Variants in RPL7L1 observed in about 807,000 individuals in gnomAD.
RPL7L1 encodes ribosomal protein L7 like 1, also known as ribosomal protein uL30-like.
A neutral mutation model predicts 30.3 loss-of-function variants in RPL7L1; 20 were observed. That is an observed-to-expected ratio of 0.66 (90% CI 0.46 to 0.96). The LOEUF (loss-of-function observed/expected upper bound fraction) is 0.96. Ranked by LOEUF, RPL7L1 falls within the 40% of genes least tolerant of loss-of-function variation. The pLI is 0.00. For synonymous variants in RPL7L1, 107 were observed against 110.1 expected (o/e 0.97, Z 0.18); for missense variants, 271 against 314.9 (o/e 0.86, Z 1.05).
intron 3 of RPL7L1, among the ~76,000 whole-genome samples, chr6:42,884,201 C>G (rs1299448036): frequency 6.6e-6 from 1 of 152,180 alleles, no homozygotes; most frequent in Non-Finnish European, 1.5e-5. Flanking sequence ...TATTAACCTT[C>G]CTCCTGGATT....
chr6:42,880,439 G>C (rs1333279459), intron 1 of RPL7L1: 1 of 221,374 alleles, frequency 4.5e-6, no homozygotes, highest in Non-Finnish European at 9.2e-6. Context: ...TCAGATACTT[G>C]AAAACAGTAA....
In RPL7L1 at chr6:42,879,836, C is replaced by A; in HGVS notation, c.-75C>A. The A allele has an allele frequency of 6.6e-7, 1 of 1,505,922 alleles. No individual in the cohort carries two copies. The highest frequency in any genetic ancestry group is 9.2e-7 in the Non-Finnish European group (1 of 1,083,984). The allele number at this position is 1,505,922 out of a possible 1,614,324, so 93.3% of individuals were successfully genotyped here. On this transcript the variant is annotated 5_prime_UTR_variant, in exon 1 of 6. Coordinates refer to ENST00000493763, the MANE Select transcript of RPL7L1 (RefSeq NM_001366481.3). The stretch of plus-strand genomic sequence containing the variant: ...AAGTGAACGCTGACTGGTCCTCCAG[C>A]GTGAGCTAGAACAGACGTCTCTATG...
In RPL7L1 at chr6:42,884,582, T is replaced by C. The variant is rs532748987; in HGVS notation, c.312-31T>C. ...CTGGACTGACATAAACTGGAGGGAG[T>C]CTGTCTGACTTCTGTTGCTGTTCAT... On this transcript the variant is annotated intron_variant, in intron 3 of 5. Coordinates refer to ENST00000493763, the MANE Select transcript of RPL7L1 (RefSeq NM_001366481.3). 23 of 1,604,422 alleles carry C rather than the reference T, an allele frequency of 1.4e-5. No individual in the cohort carries two copies. In the East Asian group the frequency reaches 4.7e-4, roughly 33 times the overall value.
chr6:42,882,225 A>T (rs1166011163), intron 2 of RPL7L1: 1 of 151,694 alleles, frequency 6.6e-6, no homozygotes, highest in East Asian at 1.9e-4. Flanking sequence ...TACAGTGTAC[A>T]TAATGTATTT....
chr6:42,886,156 T>A, intron 5 of RPL7L1, 73 bp downstream of exon 5: 1 of 1,376,474 alleles, frequency 7.3e-7, no homozygotes, highest in South Asian at 1.2e-5. Context: ...GAGATTCAGG[T>A]TGTATTCTTC....
rs367718390 is a variant in RPL7L1, at chr6:42,886,995, A to AAG, written c.*532_*533insGA. ...GCGACAGAGCGAGACTCCATCTCGG[A>AAG]AAAAAAAAAAAAAAAACTATTGCTG... On this transcript the variant is annotated 3_prime_UTR_variant, in exon 6 of 6. Transcript: ENST00000493763. 3.1e-5 allele frequency: 2 copies of AAG among 63,804 alleles called. No homozygotes were observed. The highest frequency in any genetic ancestry group is 6.4e-5 in the Non-Finnish European group (2 of 31,200). The allele number at this position is 63,804 out of a possible 1,614,324, so 4.0% of individuals were successfully genotyped here. A position where few individuals can be genotyped will look rare whatever the true frequency, so the allele number is the denominator to read the frequency against.
rs1319029580 is a variant in RPL7L1, at chr6:42,886,370, A to G, written c.674A>G (p.His225Arg). ...LCPFHLSVAR[H>R]ATKNRVGFLK... ...CCTTTCCACCTCTCAGTGGCCCGTCATGCTACCAAAAATAGAGTGGGCTTC... is the reference window on the plus strand; with the variant it reads ...CCTTTCCACCTCTCAGTGGCCCGTCGTGCTACCAAAAATAGAGTGGGCTTC... Residue 225 changes from histidine to arginine, a missense_variant, in exon 6 of 6, where the codon CAT becomes CGT. Physicochemically the swap from His to Arg is conservative, Grantham distance 29. Coordinates refer to ENST00000493763, the MANE Select transcript of RPL7L1 (RefSeq NM_001366481.3). 2 of 1,601,024 alleles carry G rather than the reference A, an allele frequency of 1.2e-6. No homozygotes were observed. The highest frequency in any genetic ancestry group is 1.7e-6 in the Non-Finnish European group (2 of 1,179,658).
rs1359290974 is a variant in RPL7L1 at position 42,879,886 on chromosome 6, T to C, written c.-25T>C. The C allele has an allele frequency of 6.2e-7, 1 of 1,612,646 alleles. No individual in the cohort carries two copies. Among genetic ancestry groups the C allele is most frequent in the African/African-American group, 1.3e-5 (1 of 74,902 alleles). On this transcript the variant is annotated 5_prime_UTR_variant, in exon 1 of 6. Coordinates refer to ENST00000493763, the MANE Select transcript of RPL7L1 (RefSeq NM_001366481.3). ...GGTCAAGTAAACAGAGCGTGTGCTG[T>C]CTTCCCCATGTGGTGGGGTTGCGCA... is the stretch of plus-strand genomic sequence containing the variant.
chr6:42,884,263 AT>A (rs1246084600), intron 3 of RPL7L1, among the ~76,000 whole-genome samples: 1 of 152,104 alleles, frequency 6.6e-6, no homozygotes, highest in East Asian at 1.9e-4. Context: ...GCCCTTGGTG[AT>A]TGTCAGAAAG....
chr6:42,884,619 C>T lies in RPL7L1; in HGVS notation c.318C>T (p.Asp106=), dbSNP rs16896142. ...LAFVVRIERI[D]GVSLLVQRTI... The stretch of plus-strand genomic sequence containing the variant: ...CTGTTGCTGTTCATTTCAGGATTGA[C>T]GGCGTGAGTTTACTGGTGCAGAGAA... The change falls in exon 4 of 6, where the codon GAC becomes GAT. Residue 106 remains aspartate, a synonymous_variant. Coordinates refer to ENST00000493763, the MANE Select transcript of RPL7L1 (RefSeq NM_001366481.3). The T allele has an allele frequency of 0.027, 43,175 of 1,611,624 alleles. 683 individuals are homozygous for T. The highest frequency in any genetic ancestry group is 0.028 in the Middle Eastern group (140 of 4,984).
rs1439463361 is a variant in RPL7L1 at position 42,888,213 on chromosome 6, G to A, written c.*1749G>A. 6.6e-5 allele frequency: 10 copies of A among 152,250 alleles called. No individual in the cohort carries two copies. The highest frequency in any genetic ancestry group is 1.3e-4 in the Non-Finnish European group (9 of 68,114). 9.4% of individuals were successfully genotyped at this position (152,250 alleles called of 1,614,324 possible). A position where few individuals can be genotyped will look rare whatever the true frequency, so the allele number is the denominator to read the frequency against. ...CCTGTTGCCCAGGCTGGAGCGCAGT[G>A]GCATGATCTCAGCTCATTGCAGCCT... On this transcript the variant is annotated 3_prime_UTR_variant, in exon 6 of 6. Coordinates refer to ENST00000493763, the MANE Select transcript of RPL7L1 (RefSeq NM_001366481.3).
Position 42,879,807 on chromosome 6 carries a change from G to A in RPL7L1, c.-104G>A. On this transcript the variant is annotated 5_prime_UTR_variant, in exon 1 of 6. Coordinates refer to ENST00000493763, the MANE Select transcript of RPL7L1 (RefSeq NM_001366481.3). ...TAGCGGGACCTCAAGGGCTCACTGC[G>A]GCTAAGTGAACGCTGACTGGTCCTC... is the stretch of plus-strand genomic sequence containing the variant. 2 of 1,241,754 alleles carry A rather than the reference G, an allele frequency of 1.6e-6. No homozygotes were observed. Among genetic ancestry groups the A allele is most frequent in the Admixed American group, 1.7e-5 (1 of 58,866 alleles). The allele number at this position is 1,241,754 out of a possible 1,614,324, so 76.9% of individuals were successfully genotyped here.
At chr6:42,879,975 T>C (rs544210344) in intron 1 of RPL7L1, 24 bp downstream of exon 1, 1 of 1,612,824 alleles carries the variant, frequency 6.2e-7, no homozygotes, top group Admixed American at 1.7e-5. Flanking sequence ...GCTTTGAATA[T>C]CTGGAGTGGG....
rs940489994 is a variant in RPL7L1, at chr6:42,889,527, G to A, written c.*3063G>A. The A allele has an allele frequency of 6.6e-6, 1 of 151,782 alleles. No individual in the cohort carries two copies. The highest frequency in any genetic ancestry group is 2.4e-5 in the African/African-American group (1 of 41,114). 9.4% of individuals were successfully genotyped at this position (151,782 alleles called of 1,614,324 possible). ...TAACCTGCCAAGAAGAGATGCTATA[G>A]ATGTTACTCCTATACTGTAAAACAT... On this transcript the variant is annotated 3_prime_UTR_variant, in exon 6 of 6. Coordinates refer to ENST00000493763, the MANE Select transcript of RPL7L1 (RefSeq NM_001366481.3).
chr6:42,879,838 T>G lies in RPL7L1; in HGVS notation c.-73T>G. On this transcript the variant is annotated 5_prime_UTR_variant, in exon 1 of 6. Transcript: ENST00000493763. ...GTGAACGCTGACTGGTCCTCCAGCG[T>G]GAGCTAGAACAGACGTCTCTATGGT... 1.1e-4 allele frequency: 160 copies of G among 1,515,234 alleles called. No homozygotes were observed. The highest frequency in any genetic ancestry group is 1.3e-4 in the Non-Finnish European group (145 of 1,092,348). The allele number at this position is 1,515,234 out of a possible 1,614,324, so 93.9% of individuals were successfully genotyped here.
chr6:42,883,083 A>G (rs1342000805), intron 2 of RPL7L1: 2 of 165,100 alleles, frequency 1.2e-5, no homozygotes, highest in South Asian at 1.5e-4. Context: ...AGTATTTTCC[A>G]TCTGGGGTTG....
Position 42,886,029 on chromosome 6 carries a change from G to T in RPL7L1, c.505G>T (p.Val169Phe). ...ELILKRGQAKVKNKTIPLTDN... is the reference protein window; with the variant it reads ...ELILKRGQAKFKNKTIPLTDN... ...CATTTTGAAACGTGGACAAGCCAAGGTCAAGAATAAGACCATCCCTCTGAC... is the reference window on the plus strand; with the variant it reads ...CATTTTGAAACGTGGACAAGCCAAGTTCAAGAATAAGACCATCCCTCTGAC... The change falls in exon 5 of 6, where the codon GTC becomes TTC. Residue 169 changes from valine to phenylalanine, a missense_variant. By Grantham distance (50) the Val-to-Phe change is conservative. Transcript: ENST00000493763. 1 of 1,610,734 alleles carries T rather than the reference G, an allele frequency of 6.2e-7. No individual in the cohort carries two copies. Among genetic ancestry groups the T allele is most frequent in the African/African-American group, 1.3e-5 (1 of 74,974 alleles).
At position 42,885,991 on chromosome 6, in the gene RPL7L1, C is replaced by G. The variant is rs755042877; in HGVS notation, c.467C>G (p.Ser156Cys). ...CTACATAGATTTCCAAATCTGAAGTCTGTCCGAGAACTCATTTTGAAACGT... is the reference window on the plus strand; with the variant it reads ...CTACATAGATTTCCAAATCTGAAGTGTGTCCGAGAACTCATTTTGAAACGT... ...YVTWGFPNLK[S>C]VRELILKRGQ... The change falls in exon 5 of 6, where the codon TCT (serine) becomes TGT (cysteine). Residue 156 changes from serine (S) to cysteine (C), a missense_variant. Transcript: ENST00000493763. The G allele has an allele frequency of 5.0e-6, 8 of 1,601,970 alleles. No homozygotes were observed. The highest frequency in any genetic ancestry group is 6.8e-6 in the Non-Finnish European group (8 of 1,170,628).
chr6:42,888,811 A>C lies in RPL7L1; in HGVS notation c.*2347A>C, dbSNP rs1027197375. The C allele has an allele frequency of 6.6e-6, 1 of 152,212 alleles. No individual in the cohort carries two copies. The highest frequency in any genetic ancestry group is 2.4e-5 in the African/African-American group (1 of 41,452). The allele number at this position is 152,212 out of a possible 1,614,324, so 9.4% of individuals were successfully genotyped here. A position where few individuals can be genotyped will look rare whatever the true frequency, so the allele number is the denominator to read the frequency against. ...CCTTAATTTTTTCCTTGCATATTCT[A>C]GTCTTCAGAAGCATTGCCTTTTGTC... On this transcript the variant is annotated 3_prime_UTR_variant, in exon 6 of 6. Coordinates refer to ENST00000493763, the MANE Select transcript of RPL7L1 (RefSeq NM_001366481.3).
Sources: gnomAD v4.1 joint callset for allele counts (sites outside exome capture counted in the v4.1 genomes callset) on GRCh38, gnomAD v4.1.1 for gene constraint, MANE v1.5 for transcripts, NCBI Gene and HGNC (gene_info 2026-07-23, HGNC 2026-07-21) for gene names.